The following SLC25A42 variants were observed in gnomAD, a reference collection of about 807,000 sequenced individuals.
SLC25A42 encodes the protein solute carrier family 25 member 42.
Under a neutral mutation model 34.7 loss-of-function variants are expected in SLC25A42, and 19 were observed. That is an observed-to-expected ratio of 0.55 (90% confidence interval 0.38 to 0.80). The LOEUF (loss-of-function observed/expected upper bound fraction) is 0.80. Ranked by LOEUF, SLC25A42 falls within the 30% of genes least tolerant of loss-of-function variation. SLC25A42 has a pLI of 0.00. For missense variants in SLC25A42, 364 were observed against 441.3 expected, an observed-to-expected ratio of 0.82 and a Z score of 1.57; for synonymous variants, 205 against 191.2, an observed-to-expected ratio of 1.07 and a Z score of -0.59.
At chr19:19,071,817 G>A (rs1290485668) in intron 1 of SLC25A42, among the ~76,000 whole-genome samples, 1 of 151,824 alleles carries the variant, frequency 6.6e-6, no homozygotes, top group African/African-American at 2.4e-5. Context: ...ACTGAGCCAA[G>A]ATTGCACCAC....
chr19:19,092,001 G>A (rs1447694698), intron 1 of SLC25A42, among the ~76,000 whole-genome samples: 1 of 152,182 alleles, frequency 6.6e-6, no homozygotes, highest in Non-Finnish European at 1.5e-5. Flanking sequence ...GTGGTGCTGG[G>A]ACTCCCTCCT....
In SLC25A42 at chr19:19,110,664, G is replaced by A. The variant is rs752146829; in HGVS notation, c.745G>A (p.Val249Met). The A allele has an allele frequency of 2.4e-5, 37 of 1,560,742 alleles. No homozygotes were observed. The highest frequency in any genetic ancestry group is 2.9e-5 in the Non-Finnish European group (34 of 1,153,810). The change falls in exon 8 of 8, where the codon GTG becomes ATG. Residue 249 changes from valine to methionine, a missense_variant. Physicochemically the swap from Val to Met is conservative, Grantham distance 21 (BLOSUM62 1). Transcript: ENST00000318596. ...IGQSASYPLD[V>M]VRRRMQTAGV... ...GCAGTCGGCCTCGTACCCGCTGGAT[G>A]TGGTGCGGCGGCGCATGCAGACGGC...
chr19:19,081,801 C>T lies in SLC25A42; in HGVS notation c.-34-14290C>T, dbSNP rs549110819. Among the ~76,000 whole-genome samples, 1 of 152,334 alleles carries T rather than the reference C, an allele frequency of 6.6e-6. No homozygotes were observed. The highest frequency in any genetic ancestry group is 1.9e-4 in the East Asian group (1 of 5,184). ...GGCTTCCTTGCCTCACTGTCCTCTT[C>T]GCTCCTTTAGCCGAGTGACCTCTGT... On this transcript the variant is annotated intron_variant, in intron 1 of 7. Coordinates refer to ENST00000318596, the MANE Select transcript of SLC25A42 (RefSeq NM_178526.5). The surrounding 1 kb of genome is among the most constrained non-coding windows in gnomAD (Gnocchi z 4.5).
At chr19:19,095,994 C>G (rs115983311) in intron 1 of SLC25A42, 97 bp from the exon 2 acceptor site, 1 of 807,508 alleles carries the variant, frequency 1.2e-6, no homozygotes, top group Non-Finnish European at 2.1e-6. Context: ...TCCCTCCCCA[C>G]GCAGGGAGCC....
At chr19:19,082,342 GT>G (rs561707515) in intron 1 of SLC25A42, among the ~76,000 whole-genome samples, 26 of 152,234 alleles carry the variant, frequency 1.7e-4, no homozygotes, top group African/African-American at 6.3e-4. Context: ...CACATCTCCA[GT>G]TCTCCTGCGT....
chr19:19,067,020 T>TC (rs1555763882), intron 1 of SLC25A42, among the ~76,000 whole-genome samples: 1 of 46,872 alleles, frequency 2.1e-5, no homozygotes, highest in Non-Finnish European at 3.8e-5. Context: ...AGACCCTGTC[T>TC]CAAAAAAAAA....
rs1384418523 is a variant in SLC25A42 at position 19,109,461 on chromosome 19, C to T, written c.650-1108C>T. 1.3e-5 allele frequency among the ~76,000 whole-genome samples: 2 copies of T among 152,170 alleles called. No individual in the cohort carries two copies. Among genetic ancestry groups the T allele is most frequent in the African/African-American group, 4.8e-5 (2 of 41,448 alleles). On this transcript the variant is annotated intron_variant, in intron 7 of 7. Transcript: ENST00000318596. This position sits in a 1 kb window ranked among gnomAD's most constrained non-coding sequence, Gnocchi z 4.1. The stretch of plus-strand genomic sequence containing the variant: ...TGGCTGTTTTTTTGAGACGGAGTCT[C>T]ACTCTGCCGCCCAGGCTGGAGTGCA...
At chr19:19,102,118 C>A (rs1474243314) in intron 3 of SLC25A42, among the ~76,000 whole-genome samples, 1 of 151,958 alleles carries the variant, frequency 6.6e-6, no homozygotes, top group African/African-American at 2.4e-5. Context: ...ACGCCATTCT[C>A]CTGCCTCAGC....
chr19:19,089,715 A>T (rs1036132438), intron 1 of SLC25A42, among the ~76,000 whole-genome samples: 4 of 151,896 alleles, frequency 2.6e-5, no homozygotes, highest in Admixed American at 6.6e-5. Context: ...AGAAAAATGC[A>T]AAAATTAGCT....
intron 1 of SLC25A42, among the ~76,000 whole-genome samples, chr19:19,090,126 C>A (rs904649299): frequency 6.6e-6 from 1 of 152,154 alleles, no homozygotes; most frequent in Non-Finnish European, 1.5e-5. Context: ...GAGTGAGTTA[C>A]ATTTTGAGAA....
In SLC25A42 at chr19:19,109,196, G is replaced by A. The variant is rs545002824; in HGVS notation, c.649+1151G>A. Among the ~76,000 whole-genome samples, 59 of 152,298 alleles carry A rather than the reference G, an allele frequency of 3.9e-4. No homozygotes were observed. The South Asian group carries it at 4.1e-3, about 11-fold the overall frequency. On this transcript the variant is annotated intron_variant, in intron 7 of 7. Coordinates refer to ENST00000318596, the MANE Select transcript of SLC25A42 (RefSeq NM_178526.5). The surrounding 1 kb of genome is among the most constrained non-coding windows in gnomAD (Gnocchi z 4.1). ...TCCACCAGCATCTGTGCTCTGTTCC[G>A]CCTTTTTAGTGGCTGCACAGTGGGC...
At chr19:19,076,170 C>T (rs777980964) in intron 1 of SLC25A42, among the ~76,000 whole-genome samples, 19 of 152,124 alleles carry the variant, frequency 1.2e-4, no homozygotes, top group Non-Finnish European at 8.8e-5. Context: ...AGATCATCAA[C>T]AGGTATTCTC....
Position 19,081,719 on chromosome 19 carries a change from C to T in SLC25A42, c.-34-14372C>T, listed in dbSNP as rs2059682899. Among the ~76,000 whole-genome samples the T allele has an allele frequency of 6.6e-6, 1 of 152,248 alleles. No individual in the cohort carries two copies. Among genetic ancestry groups the T allele is most frequent in the African/African-American group, 2.4e-5 (1 of 41,460 alleles). On this transcript the variant is annotated intron_variant, in intron 1 of 7. Coordinates refer to ENST00000318596, the MANE Select transcript of SLC25A42 (RefSeq NM_178526.5). This position sits in a 1 kb window ranked among gnomAD's most constrained non-coding sequence, Gnocchi z 4.5. ...CTGAGGCGCCCGCCACCTCCCTCCA[C>T]TGCAGCCTACCGTCCAGGCCCTACG... is the stretch of plus-strand genomic sequence containing the variant.
At chr19:19,070,991 C>CTTTTTTTTTTTTT (rs35787720) in intron 1 of SLC25A42, among the ~76,000 whole-genome samples, 54 of 117,206 alleles carry the variant, frequency 4.6e-4, no homozygotes, top group African/African-American at 1.9e-3. Context: ...TGCATACCGT[C>CTTTTTTTTTTTTT]TTTTTTTTTT....
chr19:19,066,473 G>C (rs1426170496), intron 1 of SLC25A42, among the ~76,000 whole-genome samples: 1 of 142,732 alleles, frequency 7.0e-6, no homozygotes, highest in Non-Finnish European at 1.5e-5. Flanking sequence ...TTTTGAGTTG[G>C]ATTCTTGCTC....
rs893260667 is a variant in SLC25A42, at chr19:19,110,945, G to A, written c.*69G>A. ...TGTATTCTGGGCCCATGGAACGGTG[G>A]GGGGGTGCGCTTGATTCTACTTCAG... On this transcript the variant is annotated 3_prime_UTR_variant, in exon 8 of 8. Transcript: ENST00000318596. 12 of 1,554,830 alleles carry A rather than the reference G, an allele frequency of 7.7e-6. No homozygotes were observed. The highest frequency in any genetic ancestry group is 2.3e-5 in the East Asian group (1 of 44,080).
At chr19:19,100,194 T>G (rs929455512) in intron 2 of SLC25A42, among the ~76,000 whole-genome samples, 1 of 151,778 alleles carries the variant, frequency 6.6e-6, no homozygotes, top group Non-Finnish European at 1.5e-5. Flanking sequence ...ATACAAAAAT[T>G]AGCCAGGCGT....
chr19:19,075,269 C>T (rs76217154), intron 1 of SLC25A42, among the ~76,000 whole-genome samples: 2,418 of 152,252 alleles, frequency 0.016, 71 homozygotes, highest in African/African-American at 0.055. Flanking sequence ...CATGAGTTAT[C>T]GAAGATCCCA....
intron 2 of SLC25A42, among the ~76,000 whole-genome samples, chr19:19,097,965 A>AC (rs2059774492): frequency 2.3e-4 from 1 of 4,292 alleles, no homozygotes; most frequent in Admixed American, 2.7e-3. Flanking sequence ...CCTGTCTCAG[A>AC]AAAAAAAAAA....
Sources: allele counts gnomAD v4.1 joint callset (sites outside exome capture counted in the v4.1 genomes callset), GRCh38; gene constraint gnomAD v4.1.1; non-coding constraint Gnocchi (gnomAD v3.1); transcripts MANE v1.5; gene names NCBI Gene and HGNC (gene_info 2026-07-23, HGNC 2026-07-21).